The following PIK3C2G variants were observed in gnomAD, a reference collection of about 807,000 sequenced individuals.
The protein encoded by PIK3C2G is phosphatidylinositol-4-phosphate 3-kinase catalytic subunit type 2 gamma.
A neutral mutation model predicts 181.1 loss-of-function variants in PIK3C2G; 168 were observed. The ratio of observed to expected loss-of-function variants is 0.93; its 90% confidence interval spans 0.82 to 1.05. PIK3C2G has a LOEUF of 1.05. PIK3C2G is among the 50% of genes least tolerant of loss of function. The pLI is 0.00. For synonymous variants in PIK3C2G, 573 were observed against 592.2 expected (o/e 0.97, Z 0.47); for missense variants, 1,869 against 1,732.8 (o/e 1.08, Z -1.40).
upstream of PIK3C2G, among the ~76,000 whole-genome samples, chr12:18,259,019 A>C (rs1447309681): frequency 6.6e-6 from 1 of 152,112 alleles, no homozygotes; most frequent in Non-Finnish European, 1.5e-5. Flanking sequence ...CTATATTTGA[A>C]AGAGAAATAT....
intron 18 of PIK3C2G, among the ~76,000 whole-genome samples, chr12:18,479,825 C>CAACAACAGAA (rs1421714304): frequency 2.0e-5 from 3 of 152,164 alleles, no homozygotes; most frequent in Non-Finnish European, 4.4e-5. Flanking sequence ...GGGCTCTTGT[C>CAACAACAGAA]ATAGGTCGTT....
rs1943505165 is a variant in PIK3C2G, at chr12:18,391,107, T to C, written c.1996-15T>C. 1 of 1,575,036 alleles carries C rather than the reference T, an allele frequency of 6.3e-7. No homozygotes were observed. Among genetic ancestry groups the C allele is most frequent in the Non-Finnish European group, 8.6e-7 (1 of 1,160,094 alleles). The stretch of plus-strand genomic sequence containing the variant: ...GACACCTTCAACACATGGCAAATCA[T>C]TTTTTTTCTTTCAGATTGATTTTCC... On this transcript the variant is annotated splice_polypyrimidine_tract_variant and intron_variant, in intron 14 of 32. Coordinates refer to ENST00000538779, the MANE Select transcript of PIK3C2G (RefSeq NM_001288772.2).
intron 31 of PIK3C2G, among the ~76,000 whole-genome samples, chr12:18,630,377 G>A (rs1949299041): frequency 6.6e-6 from 1 of 152,134 alleles, no homozygotes; most frequent in Admixed American, 6.6e-5. Context: ...GGGTAACAGA[G>A]CGGGATTTTT....
At chr12:18,326,029 AT>A (rs1951332975) in intron 8 of PIK3C2G, among the ~76,000 whole-genome samples, 1 of 152,308 alleles carries the variant, frequency 6.6e-6, no homozygotes, top group East Asian at 1.9e-4. Context: ...TACTATAGGG[AT>A]GATATGAGGG....
the PIK3C2G span, among the ~76,000 whole-genome samples, chr12:18,719,904 T>A: frequency 1.3e-5 from 2 of 152,032 alleles, no homozygotes; most frequent in Non-Finnish European, 2.9e-5. Context: ...AGTACATATA[T>A]TATGGACCAA....
At chr12:18,682,759 T>C in the PIK3C2G span, among the ~76,000 whole-genome samples, 5 of 151,916 alleles carry the variant, frequency 3.3e-5, no homozygotes, top group Admixed American at 1.3e-4. Context: ...AGAACTAGCA[T>C]AAGAATGCAG....
intron 31 of PIK3C2G, among the ~76,000 whole-genome samples, chr12:18,619,910 G>T (rs974290821): frequency 1.3e-5 from 2 of 151,958 alleles, no homozygotes; most frequent in Non-Finnish European, 2.9e-5. Context: ...ATTTTTAGTA[G>T]AGACAGGGTT....
chr12:18,592,813 G>A (rs1172889654), intron 29 of PIK3C2G, among the ~76,000 whole-genome samples: 3 of 151,866 alleles, frequency 2.0e-5, no homozygotes, highest in Non-Finnish European at 4.4e-5. Context: ...ATATAGATGG[G>A]AATCTTCTAC....
intron 5 of PIK3C2G, among the ~76,000 whole-genome samples, chr12:18,311,756 A>T (rs1274281386): frequency 6.6e-6 from 1 of 152,056 alleles, no homozygotes; most frequent in East Asian, 1.9e-4. Context: ...AACTAATAGG[A>T]CAGATGTGTA....
intron 1 of PIK3C2G, among the ~76,000 whole-genome samples, chr12:18,268,123 C>G (rs1293055172): frequency 6.6e-6 from 1 of 152,114 alleles, no homozygotes; most frequent in Non-Finnish European, 1.5e-5. Flanking sequence ...ATTTATTCTC[C>G]TCCAGATACA....
chr12:18,493,074 A>G (rs1940715106), intron 20 of PIK3C2G: 1 of 152,316 alleles, frequency 6.6e-6, no homozygotes, highest in Admixed American at 6.5e-5. Context: ...CCATTGAACA[A>G]AGAAGTGAGA....
At chr12:18,697,104 AT>A in the PIK3C2G span, among the ~76,000 whole-genome samples, 1 of 151,890 alleles carries the variant, frequency 6.6e-6, no homozygotes, top group Non-Finnish European at 1.5e-5. Context: ...TTCTCCAAGG[AT>A]TTTCTTTTTT....
intron 5 of PIK3C2G, among the ~76,000 whole-genome samples, chr12:18,298,562 T>A (rs544858837): frequency 6.6e-6 from 1 of 152,064 alleles, no homozygotes; most frequent in African/African-American, 2.4e-5. Context: ...ATAGTCCTAT[T>A]TGTGTATTTT....
intron 11 of PIK3C2G, among the ~76,000 whole-genome samples, chr12:18,361,967 A>T (rs538038306): frequency 6.7e-6 from 1 of 149,820 alleles, no homozygotes; most frequent in South Asian, 2.1e-4. Context: ...ATAAGAAGCC[A>T]CCCAACTTTT....
At position 18,256,306 on chromosome 12, in the gene PIK3C2G, A is replaced by T. The variant is rs571959135; in HGVS notation, c.-79+8224A>T. On this transcript the variant is annotated intron_variant, in intron 1 of 11. Coordinates refer to the PIK3C2G transcript ENST00000535651. ...TTTTGATCTAGTTGCTTCCAGTCAGATCCATGGGCAAATTATCATACCCAA... is the reference window on the plus strand; with the variant it reads ...TTTTGATCTAGTTGCTTCCAGTCAGTTCCATGGGCAAATTATCATACCCAA... Among the ~76,000 whole-genome samples, 3 of 152,084 alleles carry T rather than the reference A, an allele frequency of 2.0e-5. No individual in the cohort carries two copies. In the South Asian group the frequency reaches 6.2e-4, roughly 32 times the overall value.
chr12:18,600,729 A>T (rs1482895580), intron 30 of PIK3C2G, among the ~76,000 whole-genome samples: 1 of 152,064 alleles, frequency 6.6e-6, no homozygotes, highest in African/African-American at 2.4e-5. Flanking sequence ...TCTAGGAAAA[A>T]AAAATTTACT....
At chr12:18,459,681 C>G (rs185856615) in intron 18 of PIK3C2G, among the ~76,000 whole-genome samples, 1 of 152,310 alleles carries the variant, frequency 6.6e-6, no homozygotes, top group Admixed American at 6.5e-5. Flanking sequence ...TGAATGGACA[C>G]TTTAATGAAA....
At position 18,341,950 on chromosome 12, in the gene PIK3C2G, T is replaced by C. The variant is rs192896425; in HGVS notation, c.1396-1377T>C. 7.0e-3 allele frequency among the ~76,000 whole-genome samples: 1,070 copies of C among 152,196 alleles called. 46 individuals carry two copies. Among genetic ancestry groups the C allele is most frequent in the East Asian group, 0.053 (275 of 5,172 alleles). On this transcript the variant is annotated intron_variant, in intron 9 of 32. Coordinates refer to ENST00000538779, the MANE Select transcript of PIK3C2G (RefSeq NM_001288772.2). ...ATGAAGAATTATATGACAAACATAC[T>C]TGTACTCTATTTTATTCTCTGACCC...
At chr12:18,567,894 T>A (rs1945721869) in intron 29 of PIK3C2G, among the ~76,000 whole-genome samples, 1 of 152,110 alleles carries the variant, frequency 6.6e-6, no homozygotes, top group African/African-American at 2.4e-5. Context: ...AATGAAAATG[T>A]TAGTGGGCTG....
Sources: allele counts gnomAD v4.1 joint callset (sites outside exome capture counted in the v4.1 genomes callset), GRCh38; gene constraint gnomAD v4.1.1; transcripts MANE v1.5; gene names NCBI Gene and HGNC (gene_info 2026-07-23, HGNC 2026-07-21).